Variants in XPR1 observed in about 807,000 individuals in gnomAD.
The protein encoded by XPR1 is xenotropic and polytropic retrovirus receptor 1, also known as solute carrier family 53 member 1.
XPR1 carries 28 observed loss-of-function variants against 87.5 expected under a neutral mutation model. The ratio of observed to expected loss-of-function variants is 0.32; its 90% confidence interval spans 0.24 to 0.44. The LOEUF is 0.44. Among genes scored for constraint, XPR1 ranks in the 20% least tolerant of loss-of-function variants. The pLI is 1.00. For synonymous variants in XPR1, 300 were observed against 306.1 expected, an observed-to-expected ratio of 0.98 and a Z score of 0.21; for missense variants, 559 against 862.3, an observed-to-expected ratio of 0.65 and a Z score of 4.41.
chr1:180,633,029 T>A (rs985601145), intron 1 of XPR1, among the ~76,000 whole-genome samples: 42 of 152,342 alleles, frequency 2.8e-4, no homozygotes, highest in African/African-American at 8.7e-4. Flanking sequence ...AACATTTTTT[T>A]ATTTTCTGCT....
intron 2 of XPR1, 41 bp downstream of exon 2, chr1:180,682,452 C>T: frequency 6.5e-7 from 1 of 1,538,920 alleles, no homozygotes; most frequent in Non-Finnish European, 8.8e-7. Context: ...CAGAAAACCT[C>T]TTTTTAAGGA....
At chr1:180,675,546 A>G (rs776144464) in intron 1 of XPR1, among the ~76,000 whole-genome samples, 2 of 152,200 alleles carry the variant, frequency 1.3e-5, no homozygotes, top group Non-Finnish European at 2.9e-5. Flanking sequence ...CAATTATAAC[A>G]GAAATAAGTT....
intron 14 of XPR1, 122 bp downstream of exon 14, chr1:180,880,419 C>G: frequency 2.8e-6 from 3 of 1,061,664 alleles, no homozygotes; most frequent in South Asian, 1.6e-5. Flanking sequence ...CCATTTTTCA[C>G]CTACAAAAAA....
intron 9 of XPR1, among the ~76,000 whole-genome samples, chr1:180,828,898 A>G (rs919372524): frequency 6.6e-6 from 1 of 152,154 alleles, no homozygotes; most frequent in Non-Finnish European, 1.5e-5. Flanking sequence ...CTAGTAGAAT[A>G]TAAAAATCAA....
At chr1:180,657,409 GT>G (rs1324271182) in intron 1 of XPR1, among the ~76,000 whole-genome samples, 15 of 152,036 alleles carry the variant, frequency 9.9e-5, no homozygotes, top group Non-Finnish European at 1.0e-4. Context: ...TCTTTTAGTA[GT>G]TTCATAGGTT....
intron 2 of XPR1, among the ~76,000 whole-genome samples, chr1:180,749,068 A>C (rs1469041055): frequency 6.6e-6 from 1 of 152,204 alleles, no homozygotes; most frequent in Non-Finnish European, 1.5e-5. Flanking sequence ...AGGCGTGGAG[A>C]CGCACACCTC....
intron 1 of XPR1, among the ~76,000 whole-genome samples, chr1:180,655,944 TTC>T (rs1655448022): frequency 6.6e-6 from 1 of 152,100 alleles, no homozygotes; most frequent in Non-Finnish European, 1.5e-5. Context: ...CAAACAGCTA[TTC>T]TCTCTCTTAC....
At position 180,825,625 on chromosome 1, in the gene XPR1, C is replaced by A. The variant is rs1980157; in HGVS notation, c.1134+281C>A. Among the ~76,000 whole-genome samples, 58,257 of 151,928 alleles carry A rather than the reference C, an allele frequency of 0.38. 11,411 individuals carry two copies. The highest frequency in any genetic ancestry group is 0.42 in the African/African-American group (17,398 of 41,418). ...TAGAACTTTGTAAGTTTCCTTCCCC[C>A]AAAAAAATGTGGTAAAAGAATTATT... On this transcript the variant is annotated intron_variant, in intron 9 of 14. Coordinates refer to ENST00000367590, the MANE Select transcript of XPR1 (RefSeq NM_004736.4).
At chr1:180,772,157 A>T (rs1383603108) in intron 2 of XPR1, among the ~76,000 whole-genome samples, 1 of 152,168 alleles carries the variant, frequency 6.6e-6, no homozygotes, top group Admixed American at 6.5e-5. Flanking sequence ...TCTATGGATT[A>T]TAATCTAGTA....
In XPR1 at chr1:180,887,846, C is replaced by G. The variant is rs1653063498; in HGVS notation, c.*3780C>G. 1 of 152,134 alleles carries G rather than the reference C, an allele frequency of 6.6e-6. No individual in the cohort carries two copies. Among genetic ancestry groups the G allele is most frequent in the Non-Finnish European group, 1.5e-5 (1 of 68,024 alleles). The allele number at this position is 152,134 out of a possible 1,614,324, so 9.4% of individuals were successfully genotyped here. A position where few individuals can be genotyped will look rare whatever the true frequency, so the allele number is the denominator to read the frequency against. ...TATTATCTTTCCACCATGCTTTGACCAAAGTACATTCACAGTAACTAGAGA... is the reference window on the plus strand; with the variant it reads ...TATTATCTTTCCACCATGCTTTGACGAAAGTACATTCACAGTAACTAGAGA... On this transcript the variant is annotated 3_prime_UTR_variant, in exon 15 of 15. Coordinates refer to ENST00000367590, the MANE Select transcript of XPR1 (RefSeq NM_004736.4).
At chr1:180,702,387 G>T (rs1439584458) in intron 2 of XPR1, among the ~76,000 whole-genome samples, 1 of 149,228 alleles carries the variant, frequency 6.7e-6, no homozygotes, top group East Asian at 2.0e-4. Context: ...TAGGTGTGGT[G>T]TGGTGCTGAA....
At chr1:180,661,141 G>T (rs1655758851) in intron 1 of XPR1, among the ~76,000 whole-genome samples, 1 of 151,606 alleles carries the variant, frequency 6.6e-6, no homozygotes, top group Admixed American at 6.6e-5. Flanking sequence ...GGAATCTTTG[G>T]TGTATTTTGT....
chr1:180,764,895 C>G (rs1648214181), intron 2 of XPR1, among the ~76,000 whole-genome samples: 1 of 150,868 alleles, frequency 6.6e-6, no homozygotes, highest in Admixed American at 6.6e-5. Context: ...ACGCCATTCT[C>G]CTGCCTCAGC....
chr1:180,886,200 A>G lies in XPR1; in HGVS notation c.*2134A>G, dbSNP rs998105454. ...TTATACTTGAGATTTTTTTCCCCTA[A>G]CTATTCTGTTTTTTGTACTTTAAAA... is the stretch of plus-strand genomic sequence containing the variant. On this transcript the variant is annotated 3_prime_UTR_variant, in exon 15 of 15. Coordinates refer to ENST00000367590, the MANE Select transcript of XPR1 (RefSeq NM_004736.4). The G allele has an allele frequency of 6.6e-6, 1 of 152,166 alleles. No homozygotes were observed. Among genetic ancestry groups the G allele is most frequent in the Non-Finnish European group, 1.5e-5 (1 of 68,030 alleles). 9.4% of individuals were successfully genotyped at this position (152,166 alleles called of 1,614,324 possible).
At position 180,656,355 on chromosome 1, in the gene XPR1, T is replaced by A. The variant is rs1280910638; in HGVS notation, c.69+24085T>A. Among the ~76,000 whole-genome samples, 4 of 111,324 alleles carry A rather than the reference T, an allele frequency of 3.6e-5. No individual in the cohort carries two copies. In the South Asian group the frequency reaches 7.1e-4, roughly 20 times the overall value. 73.0% of individuals were successfully genotyped at this position (111,324 alleles called of 152,430 possible). On this transcript the variant is annotated intron_variant, in intron 1 of 14. Transcript: ENST00000367590. The stretch of plus-strand genomic sequence containing the variant: ...TATATAATATTTATATATTTAATAT[T>A]TATATATATAATATTTATATATAAT...
chr1:180,866,513 T>G (rs1652395995), intron 12 of XPR1, among the ~76,000 whole-genome samples: 2 of 146,626 alleles, frequency 1.4e-5, no homozygotes, highest in Admixed American at 6.9e-5. Context: ...CTTCCACATT[T>G]TTGGTGACAC....
intron 3 of XPR1, among the ~76,000 whole-genome samples, chr1:180,794,142 T>C (rs186763586): frequency 6.6e-6 from 1 of 152,358 alleles, no homozygotes; most frequent in Admixed American, 6.5e-5. Context: ...TCATGTGTAC[T>C]TACACAAACC....
At chr1:180,779,913 G>T (rs1648870798) in intron 2 of XPR1, among the ~76,000 whole-genome samples, 1 of 151,646 alleles carries the variant, frequency 6.6e-6, no homozygotes, top group Non-Finnish European at 1.5e-5. Flanking sequence ...TCATATAAAT[G>T]GATTCGTACA....
At chr1:180,684,253 G>A (rs1656684803) in intron 2 of XPR1, among the ~76,000 whole-genome samples, 1 of 152,112 alleles carries the variant, frequency 6.6e-6, no homozygotes, top group Non-Finnish European at 1.5e-5. Flanking sequence ...TTTTTGTCAG[G>A]TTTGTCAAAG....
Sources: allele counts gnomAD v4.1 joint callset (sites outside exome capture counted in the v4.1 genomes callset), GRCh38; gene constraint gnomAD v4.1.1; transcripts MANE v1.5; gene names NCBI Gene and HGNC (gene_info 2026-07-23, HGNC 2026-07-21).